ESPN: variants seen among roughly 807,000 people sequenced by gnomAD.
The protein encoded by ESPN is autosomal recessive deafness type 36 protein.
A neutral mutation model predicts 77.7 loss-of-function variants in ESPN; 68 were observed. The observed-to-expected ratio is 0.87, with a 90% confidence interval of 0.72 to 1.07. The LOEUF (loss-of-function observed/expected upper bound fraction) is 1.07. Among genes scored for constraint, ESPN ranks in the 50% least tolerant of loss-of-function variants. The pLI is 0.00. For synonymous variants in ESPN, 449 were observed against 567.1 expected (o/e 0.79, Z 2.96); for missense variants, 1,060 against 1,239.0 (o/e 0.86, Z 2.17).
rs532961649 is a variant in ESPN at position 6,436,996 on chromosome 1, C to G, written c.489-3258C>G. 1.4e-4 allele frequency among the ~76,000 whole-genome samples: 21 copies of G among 152,176 alleles called. No homozygotes were observed. In the East Asian group the frequency reaches 1.6e-3, roughly 11 times the overall value. Reference sequence around the variant, plus strand: ...GATGTTGAGCCAGGATCCCCTCCCCCTCAGCCCATCAGCATATCTGTCCCA... The same window carrying G: ...GATGTTGAGCCAGGATCCCCTCCCCGTCAGCCCATCAGCATATCTGTCCCA... On this transcript the variant is annotated intron_variant, in intron 2 of 12. Coordinates refer to ENST00000645284, the MANE Select transcript of ESPN (RefSeq NM_031475.3).
chr1:6,455,811 C>T (rs1644045348), intron 10 of ESPN: 3 of 398,796 alleles, frequency 7.5e-6, no homozygotes, highest in Non-Finnish European at 1.3e-5. Flanking sequence ...GGCCGGCCGG[C>T]GCGGCTGGAG....
chr1:6,454,829 C>T, intron 10 of ESPN: 1 of 396,392 alleles, frequency 2.5e-6, no homozygotes, highest in Non-Finnish European at 4.5e-6. Context: ...CTGACACGGG[C>T]CAGCCGCTGG....
rs1292741495 is a variant in ESPN at position 6,425,158 on chromosome 1, G to T, written c.203G>T (p.Arg68Leu). Residue 68 changes from arginine to leucine, a missense_variant, in exon 1 of 13, where the codon CGC becomes CTC. By Grantham distance (102) the Arg-to-Leu change is moderately radical. Coordinates refer to ENST00000645284, the MANE Select transcript of ESPN (RefSeq NM_031475.3). ...EAALPAAARARNGATPAHDAS... is the reference protein window; with the variant it reads ...EAALPAAARALNGATPAHDAS... Reference sequence around the variant, plus strand: ...GCCCTCCCCGCCGCGGCCCGCGCCCGCAACGGCGCCACACCGGCCCACGAC... The same window carrying T: ...GCCCTCCCCGCCGCGGCCCGCGCCCTCAACGGCGCCACACCGGCCCACGAC... The T allele has an allele frequency of 7.9e-6, 12 of 1,515,830 alleles. No homozygotes were observed. The highest frequency in any genetic ancestry group is 1.1e-5 in the Non-Finnish European group (12 of 1,139,932). The allele number at this position is 1,515,830 out of a possible 1,614,324, so 93.9% of individuals were successfully genotyped here. A position where few individuals can be genotyped will look rare whatever the true frequency, so the allele number is the denominator to read the frequency against.
intron 2 of ESPN, among the ~76,000 whole-genome samples, chr1:6,434,761 T>G (rs948791635): frequency 6.6e-6 from 1 of 152,158 alleles, no homozygotes; most frequent in African/African-American, 2.4e-5. Context: ...AACAAGATAA[T>G]TCAGGAGTGA....
Position 6,447,503 on chromosome 1 carries a change from G to A in ESPN, c.1465-1138G>A, listed in dbSNP as rs1469294559. ...TCTGAGGCCACCGCAGGGACGCATGGGCTGGAGAGTGGGGCAGAGGACAGC... is the reference window on the plus strand; with the variant it reads ...TCTGAGGCCACCGCAGGGACGCATGAGCTGGAGAGTGGGGCAGAGGACAGC... On this transcript the variant is annotated intron_variant, in intron 7 of 12. Transcript: ENST00000645284. The surrounding 1 kb of genome is among the most constrained non-coding windows in gnomAD (Gnocchi z 5.2). 6.6e-6 allele frequency: 1 copy of A among 152,378 alleles called. No individual in the cohort carries two copies. The highest frequency in any genetic ancestry group is 1.5e-5 in the Non-Finnish European group (1 of 68,170). 9.4% of individuals were successfully genotyped at this position (152,378 alleles called of 1,614,324 possible).
Position 6,451,835 on chromosome 1 carries a change from C to T in ESPN, c.2064C>T (p.Pro688=), listed in dbSNP as rs377130734. The change falls in exon 10 of 13, where the codon CCC becomes CCT. Residue 688 remains proline, a splice_region_variant and synonymous_variant. Coordinates refer to ENST00000645284, the MANE Select transcript of ESPN (RefSeq NM_031475.3). The surrounding 1 kb of genome is among the most constrained non-coding windows in gnomAD (Gnocchi z 4.3). ...AGCCCCACCGCTTCTCCCTGCAGCCCGATTCGCCGCTGCCTTCTGTGTCAC... is the reference window on the plus strand; with the variant it reads ...AGCCCCACCGCTTCTCCCTGCAGCCTGATTCGCCGCTGCCTTCTGTGTCAC... ...FSGIGQPAFQ[P]DSPLPSVSPA... is the part of the protein sequence containing the mutation. 1.8e-5 allele frequency: 29 copies of T among 1,610,986 alleles called. No individual in the cohort carries two copies. The highest frequency in any genetic ancestry group is 1.3e-4 in the East Asian group (6 of 44,818).
Position 6,458,008 on chromosome 1 carries a change from G to GAAA in ESPN, c.2417+655_2417+657dup, listed in dbSNP as rs34724255. Among the ~76,000 whole-genome samples, 148 of 85,592 alleles carry GAAA rather than the reference G, an allele frequency of 1.7e-3. 2 individuals are homozygous for GAAA. Among genetic ancestry groups the GAAA allele is most frequent in the African/African-American group, 5.8e-3 (135 of 23,152 alleles). 56.2% of individuals were successfully genotyped at this position (85,592 alleles called of 152,430 possible). A position where few individuals can be genotyped will look rare whatever the true frequency, so the allele number is the denominator to read the frequency against. On this transcript the variant is annotated intron_variant, in intron 12 of 12. Coordinates refer to ENST00000645284, the MANE Select transcript of ESPN (RefSeq NM_031475.3). ...GCAATGCAGTGAGACCTCATTCTGC[G>GAAA]AAAAAAAAAAAAAAAAAAAAATTTT...
chr1:6,444,335 C>T (rs1227483229), intron 5 of ESPN, 146 bp from the exon 6 acceptor site: 14 of 795,488 alleles, frequency 1.8e-5, no homozygotes, highest in Admixed American at 1.2e-4. Context: ...CCTGAGAGAC[C>T]GTCTAGTGAT....
At position 6,457,235 on chromosome 1, in the gene ESPN, C is replaced by A. The variant is rs748247165; in HGVS notation, c.2377C>A (p.Leu793Ile). ...LASMPAWRRDLLRKKLEEERE... is the reference protein window; with the variant it reads ...LASMPAWRRDILRKKLEEERE... ...CAGCATGCCCGCCTGGAGGCGGGACCTCCTGCGGAAGAAGCTGGAAGAAGA... is the reference window on the plus strand; with the variant it reads ...CAGCATGCCCGCCTGGAGGCGGGACATCCTGCGGAAGAAGCTGGAAGAAGA... The change falls in exon 11 of 13, where the codon CTC (leucine) becomes ATC (isoleucine). Residue 793 changes from leucine (L) to isoleucine (I), a missense_variant. Leu to Ile is a conservative substitution (Grantham distance 5). This residue lies in a region of ESPN where 374 missense variants were observed against 381.4 expected (regional missense o/e 0.98). Transcript: ENST00000645284. 6.2e-7 allele frequency: 1 copy of A among 1,613,482 alleles called. No individual in the cohort carries two copies. The highest frequency in any genetic ancestry group is 1.7e-5 in the Admixed American group (1 of 59,938).
intron 5 of ESPN, 71 bp downstream of exon 5, chr1:6,441,136 C>T: frequency 6.4e-7 from 1 of 1,560,860 alleles, no homozygotes; most frequent in Non-Finnish European, 8.7e-7. Context: ...GGTGTCGTCA[C>T]CCCTTTTACC....
intron 10 of ESPN, chr1:6,455,429 G>A (rs1334055749): frequency 5.1e-6 from 2 of 394,678 alleles, no homozygotes; most frequent in Non-Finnish European, 8.9e-6. Flanking sequence ...CCCGGCTGCC[G>A]GCGAGCAACA....
intron 12 of ESPN, among the ~76,000 whole-genome samples, chr1:6,459,072 C>T (rs960243835): frequency 2.0e-5 from 3 of 151,942 alleles, no homozygotes; most frequent in Non-Finnish European, 2.9e-5. Flanking sequence ...GAAACCCCGT[C>T]TCTACTAAAA....
Position 6,451,400 on chromosome 1 carries a change from G to C in ESPN, c.1916-203G>C. On this transcript the variant is annotated intron_variant, in intron 8 of 12. Transcript: ENST00000645284. The surrounding 1 kb of genome is among the most constrained non-coding windows in gnomAD (Gnocchi z 4.3). ...GTAGGGTGGGGAAGATGGTGGGGTT[G>C]CCACAGTCAGGGAACCAAGGGCCCG... The C allele has an allele frequency of 1.5e-6, 1 of 665,232 alleles. No homozygotes were observed. The highest frequency in any genetic ancestry group is 2.6e-6 in the Non-Finnish European group (1 of 386,642). The allele number at this position is 665,232 out of a possible 1,614,324, so 41.2% of individuals were successfully genotyped here. A position where few individuals can be genotyped will look rare whatever the true frequency, so the allele number is the denominator to read the frequency against.
At chr1:6,436,352 G>C (rs1418867388) in intron 2 of ESPN, among the ~76,000 whole-genome samples, 1 of 152,184 alleles carries the variant, frequency 6.6e-6, no homozygotes, top group African/African-American at 2.4e-5. Flanking sequence ...CCAGCTGAGA[G>C]AACGTGTGTG....
At chr1:6,454,656 G>T in intron 10 of ESPN, 1 of 398,850 alleles carries the variant, frequency 2.5e-6, no homozygotes, top group East Asian at 3.6e-5. Context: ...CATCTCGGCC[G>T]CCCTGTCGGC....
chr1:6,456,626 C>A, intron 10 of ESPN: 1 of 205,352 alleles, frequency 4.9e-6, no homozygotes, highest in Non-Finnish European at 9.8e-6. Flanking sequence ...GTGTACAGAC[C>A]CGTTCTCCTC....
At position 6,448,758 on chromosome 1, in the gene ESPN, G is replaced by A. The variant is rs747480525; in HGVS notation, c.1582G>A (p.Gly528Ser). 6.2e-6 allele frequency: 9 copies of A among 1,457,844 alleles called. No homozygotes were observed. The highest frequency in any genetic ancestry group is 8.1e-6 in the Non-Finnish European group (9 of 1,109,790). The allele number at this position is 1,457,844 out of a possible 1,614,324, so 90.3% of individuals were successfully genotyped here. A position where few individuals can be genotyped will look rare whatever the true frequency, so the allele number is the denominator to read the frequency against. ...DYYRQLGRCP[G>S]ETLAARPGMA... ...CTACCGGCAGCTGGGCCGCTGCCCC[G>A]GCGAGACGCTGGCCGCACGCCCGGG... is the stretch of plus-strand genomic sequence containing the variant. Residue 528 changes from glycine to serine, a missense_variant, in exon 8 of 13, where the codon GGC (glycine) becomes AGC (serine). Physicochemically the swap from Gly to Ser is moderately conservative, Grantham distance 56 (BLOSUM62 0). Coordinates refer to ENST00000645284, the MANE Select transcript of ESPN (RefSeq NM_031475.3).
chr1:6,455,408 C>G (rs545389704), intron 10 of ESPN: 27 of 391,462 alleles, frequency 6.9e-5, no homozygotes, highest in African/African-American at 4.6e-4. Flanking sequence ...GGCTGGAGGC[C>G]ACGGACGCCC....
At chr1:6,461,310 TGCTGCTAC>T, downstream of ESPN, 1 of 1,256,582 alleles carries the variant, frequency 8.0e-7, no homozygotes, top group Non-Finnish European at 1.1e-6. This position sits in a 1 kb window ranked among gnomAD's most constrained non-coding sequence, Gnocchi z 6.3. Context: ...GGCCGGCTGG[TGCTGCTAC>T]GCAGGGCCGT....
Sources: allele counts gnomAD v4.1 joint callset (sites outside exome capture counted in the v4.1 genomes callset), GRCh38; gene constraint gnomAD v4.1.1; regional missense constraint gnomAD v4.1.1; non-coding constraint Gnocchi (gnomAD v3.1); transcripts MANE v1.5; gene names NCBI Gene and HGNC (gene_info 2026-07-23, HGNC 2026-07-21).